Variants in CERS6 observed in about 807,000 individuals in gnomAD.
CERS6 encodes the protein ceramide synthase 6.
A neutral mutation model predicts 56.8 loss-of-function variants in CERS6; 26 were observed. The observed-to-expected ratio is 0.46, with a 90% CI of 0.34 to 0.63. CERS6 has a LOEUF of 0.63. Among genes scored for constraint, CERS6 ranks in the 30% least tolerant of loss-of-function variants. The pLI is 0.01. For synonymous variants in CERS6, 164 were observed against 173.3 expected (o/e 0.95, Z 0.42); for missense variants, 415 against 467.5 (o/e 0.89, Z 1.04).
chr2:168,727,490 A>C (rs1018535417), intron 8 of CERS6, among the ~76,000 whole-genome samples: 3 of 151,522 alleles, frequency 2.0e-5, no homozygotes, highest in Non-Finnish European at 4.4e-5. Context: ...CGAAGGTTGC[A>C]GTGAGCCGAG....
At chr2:168,692,867 C>G (rs1430847530) in intron 5 of CERS6, among the ~76,000 whole-genome samples, 1 of 152,076 alleles carries the variant, frequency 6.6e-6, no homozygotes, top group Non-Finnish European at 1.5e-5. Flanking sequence ...AAGTCAGTCT[C>G]TAGCCTTAAG....
chr2:168,770,867 T>C lies in CERS6; in HGVS notation c.*1205T>C, dbSNP rs548628721. On this transcript the variant is annotated 3_prime_UTR_variant, in exon 10 of 10. Coordinates refer to ENST00000305747, the MANE Select transcript of CERS6 (RefSeq NM_203463.3). ...ACAATGCTTCTTTGGTTTCCAGGAA[T>C]TTTTTTCAAATGGGGCTGTTTCTGG... 1 of 152,300 alleles carries C rather than the reference T, an allele frequency of 6.6e-6. No homozygotes were observed. The highest frequency in any genetic ancestry group is 2.4e-5 in the African/African-American group (1 of 41,556). The allele number at this position is 152,300 out of a possible 1,614,324, so 9.4% of individuals were successfully genotyped here.
At chr2:168,708,653 A>C (rs1337115968) in intron 6 of CERS6, among the ~76,000 whole-genome samples, 1 of 152,146 alleles carries the variant, frequency 6.6e-6, no homozygotes, top group African/African-American at 2.4e-5. Flanking sequence ...TATTAAATTC[A>C]GGAAAGCTAA....
chr2:168,613,290 G>C (rs1411843174), intron 3 of CERS6, among the ~76,000 whole-genome samples: 1 of 152,148 alleles, frequency 6.6e-6, no homozygotes, highest in Non-Finnish European at 1.5e-5. Flanking sequence ...ATATAGAGAT[G>C]GTTAGAGGCA....
intron 3 of CERS6, among the ~76,000 whole-genome samples, chr2:168,572,080 G>A (rs1021476057): frequency 1.3e-5 from 2 of 152,146 alleles, no homozygotes; most frequent in Non-Finnish European, 2.9e-5. Flanking sequence ...ATGACACACA[G>A]GCCAAGGTTA....
At position 168,585,306 on chromosome 2, in the gene CERS6, C is replaced by T. The variant is rs549686762; in HGVS notation, c.407+23984C>T. Among the ~76,000 whole-genome samples the T allele has an allele frequency of 1.2e-4, 18 of 152,372 alleles. 1 individual carries two copies. In the South Asian group the frequency reaches 3.7e-3, roughly 32 times the overall value. On this transcript the variant is annotated intron_variant, in intron 3 of 9. Coordinates refer to ENST00000305747, the MANE Select transcript of CERS6 (RefSeq NM_203463.3). ...TTCATCTAACAGTATTCATCAAGCA[C>T]ATATCATATGCTGGGCAATAGGTGC...
In CERS6 at chr2:168,602,089, T is replaced by C. The variant is rs1436679305; in HGVS notation, c.408-28896T>C. Among the ~76,000 whole-genome samples, 3 of 152,354 alleles carry C rather than the reference T, an allele frequency of 2.0e-5. No homozygotes were observed. In the East Asian group the frequency reaches 5.8e-4, roughly 29 times the overall value. On this transcript the variant is annotated intron_variant, in intron 3 of 9. Coordinates refer to ENST00000305747, the MANE Select transcript of CERS6 (RefSeq NM_203463.3). ...GGGTTCTGAGAGGCAGTCACTATGC[T>C]GTACACGTATTTCAGCAGTAATAGA... is the stretch of plus-strand genomic sequence containing the variant.
At chr2:168,642,022 C>T (rs933023712) in intron 4 of CERS6, among the ~76,000 whole-genome samples, 5 of 152,136 alleles carry the variant, frequency 3.3e-5, no homozygotes, top group East Asian at 1.9e-4. Context: ...TCTCTTGTTA[C>T]CCCATTTCCC....
intron 8 of CERS6, among the ~76,000 whole-genome samples, chr2:168,739,768 CAG>C (rs1472673044): frequency 6.6e-6 from 1 of 150,484 alleles, no homozygotes; most frequent in African/African-American, 2.4e-5. Context: ...TTTTTTGAGA[CAG>C]AGTCTCGCTC....
chr2:168,693,561 C>G (rs1686559398), intron 5 of CERS6, among the ~76,000 whole-genome samples: 1 of 152,122 alleles, frequency 6.6e-6, no homozygotes, highest in African/African-American at 2.4e-5. Context: ...AATATCCATT[C>G]TTCATCGTTA....
intron 1 of CERS6, among the ~76,000 whole-genome samples, chr2:168,491,904 A>G (rs1694381000): frequency 1.3e-5 from 2 of 152,200 alleles, no homozygotes; most frequent in Non-Finnish European, 1.5e-5. Context: ...TTTGCTGACA[A>G]TAATGGTTTC....
chr2:168,539,797 C>T (rs1695333740), intron 1 of CERS6, among the ~76,000 whole-genome samples: 1 of 152,202 alleles, frequency 6.6e-6, no homozygotes, highest in Non-Finnish European at 1.5e-5. Flanking sequence ...TACCTCTCCC[C>T]ACTTCTCCTT....
At chr2:168,492,421 G>C (rs1694390889) in intron 1 of CERS6, among the ~76,000 whole-genome samples, 1 of 152,154 alleles carries the variant, frequency 6.6e-6, no homozygotes, top group Non-Finnish European at 1.5e-5. Context: ...GTCTTCTTTT[G>C]AGAAGTGTCT....
In CERS6 at chr2:168,666,361, T is replaced by C. The variant is rs76359749; in HGVS notation, c.466-24673T>C. The stretch of plus-strand genomic sequence containing the variant: ...CTGGCAACCACTCATCTTCTTACTT[T>C]CTCCAAAGTTTTACCTTTTTCAGAA... On this transcript the variant is annotated intron_variant, in intron 4 of 9. Transcript: ENST00000305747. Among the ~76,000 whole-genome samples, 1,085 of 152,260 alleles carry C rather than the reference T, an allele frequency of 7.1e-3. 16 individuals are homozygous for C. The highest frequency in any genetic ancestry group is 0.025 in the African/African-American group (1,025 of 41,554).
intron 8 of CERS6, 42 bp from the exon 9 acceptor site, chr2:168,765,550 G>A (rs776366136): frequency 1.3e-6 from 2 of 1,598,496 alleles, no homozygotes; most frequent in Non-Finnish European, 1.7e-6. Context: ...GGAAAGCAAA[G>A]GAAAATGCCA....
intron 4 of CERS6, among the ~76,000 whole-genome samples, chr2:168,689,479 T>G (rs1686442568): frequency 6.6e-6 from 1 of 152,196 alleles, no homozygotes; most frequent in South Asian, 2.1e-4. Flanking sequence ...TTATTTTTTA[T>G]TCTTTATTTT....
intron 4 of CERS6, among the ~76,000 whole-genome samples, chr2:168,661,783 CCTGGCTCCCG>C (rs1310557646): frequency 2.6e-5 from 4 of 152,210 alleles, no homozygotes; most frequent in African/African-American, 9.6e-5. Flanking sequence ...ATTAAAGCTG[CCTGGCTCCCG>C]GGCTCCCCAC....
In CERS6 at chr2:168,522,541, T is replaced by G. The variant is rs573259063; in HGVS notation, c.171-25055T>G. Among the ~76,000 whole-genome samples the G allele has an allele frequency of 8.3e-3, 953 of 115,150 alleles. 9 individuals are homozygous for G. Among genetic ancestry groups the G allele is most frequent in the Middle Eastern group, 0.029 (7 of 244 alleles). 75.5% of individuals were successfully genotyped at this position (115,150 alleles called of 152,430 possible). A position where few individuals can be genotyped will look rare whatever the true frequency, so the allele number is the denominator to read the frequency against. On this transcript the variant is annotated intron_variant, in intron 1 of 9. Transcript: ENST00000305747. ...GCTCTTCCCTGTAACTTAGGTGAATTTTTTTTTTTTAGACAGGGTCTCGCT... is the reference window on the plus strand; with the variant it reads ...GCTCTTCCCTGTAACTTAGGTGAATGTTTTTTTTTTAGACAGGGTCTCGCT...
At chr2:168,480,732 T>A (rs1694162679) in intron 1 of CERS6, among the ~76,000 whole-genome samples, 1 of 152,102 alleles carries the variant, frequency 6.6e-6, no homozygotes. Context: ...TTCTGCTGAG[T>A]TTTTTTGAAG....
Sources: gnomAD v4.1 joint callset for allele counts (sites outside exome capture counted in the v4.1 genomes callset) on GRCh38, gnomAD v4.1.1 for gene constraint, MANE v1.5 for transcripts, NCBI Gene and HGNC (gene_info 2026-07-23, HGNC 2026-07-21) for gene names.